CENPN: variants seen among roughly 807,000 people sequenced by gnomAD.
CENPN encodes centromere protein N.
In CENPN, 36 loss-of-function variants were observed where a neutral mutation model predicts 48.6. The observed-to-expected ratio is 0.74, with a 90% CI of 0.57 to 0.98. The LOEUF is 0.98. Among genes scored for constraint, CENPN ranks in the 50% least tolerant of loss-of-function variants. The pLI is 0.00. For missense variants in CENPN, 439 were observed against 399.2 expected (o/e 1.10, Z -0.85); for synonymous variants, 166 against 135.2 (o/e 1.23, Z -1.58).
Position 81,028,728 on chromosome 16 carries a change from G to A in CENPN, c.*77G>A. 6.5e-7 allele frequency: 1 copy of A among 1,529,932 alleles called. No homozygotes were observed. The highest frequency in any genetic ancestry group is 8.7e-7 in the Non-Finnish European group (1 of 1,145,412). 94.8% of individuals were successfully genotyped at this position (1,529,932 alleles called of 1,614,324 possible). On this transcript the variant is annotated 3_prime_UTR_variant, in exon 11 of 11. Transcript: ENST00000305850. ...ACTTCAGTTCATGGCTAGCTGTATA[G>A]CTTCCGTCTGTAAACTTGTATTTTC... is the stretch of plus-strand genomic sequence containing the variant.
chr16:81,026,715 G>T, intron 9 of CENPN, 77 bp downstream of exon 9: 1 of 648,398 alleles, frequency 1.5e-6, no homozygotes, highest in Non-Finnish European at 2.6e-6. Flanking sequence ...GTGGAAAACA[G>T]ATCTAAGAAA....
Position 81,029,999 on chromosome 16 carries a change from GT to G in CENPN, c.*1349del, listed in dbSNP as rs562369049. 1.2e-4 allele frequency among the ~76,000 whole-genome samples: 18 copies of G among 152,306 alleles called. No homozygotes were observed. In the East Asian group the frequency reaches 3.5e-3, roughly 29 times the overall value. On this transcript the variant is annotated 3_prime_UTR_variant, in exon 11 of 11. Coordinates refer to ENST00000305850, the MANE Select transcript of CENPN (RefSeq NM_001100624.3). Reference sequence around the variant, plus strand: ...GAAGGCAAATGAGAAGCAAAGTCATGTCTTACATGGCGGCAGGCAAGAGAGC... The same window carrying G: ...GAAGGCAAATGAGAAGCAAAGTCATGCTTACATGGCGGCAGGCAAGAGAGC...
chr16:81,019,900 G>A (rs1970101572), intron 5 of CENPN, among the ~76,000 whole-genome samples, 200 bp from the exon 6 acceptor site: 1 of 149,710 alleles, frequency 6.7e-6, no homozygotes, highest in South Asian at 2.1e-4. Flanking sequence ...GAACTGAAAA[G>A]GATTTTTTTT....
At chr16:81,013,037 G>T (rs2151678546) in intron 2 of CENPN, among the ~76,000 whole-genome samples, 1 of 152,298 alleles carries the variant, frequency 6.6e-6, no homozygotes, top group African/African-American at 2.4e-5. Flanking sequence ...TTGTAGCATT[G>T]TTTTAAAAAC....
chr16:81,029,273 C>T lies in CENPN; in HGVS notation c.*622C>T. The T allele has an allele frequency of 2.2e-6, 2 of 909,574 alleles. No homozygotes were observed. The highest frequency in any genetic ancestry group is 3.6e-5 in the African/African-American group (2 of 55,682). 56.3% of individuals were successfully genotyped at this position (909,574 alleles called of 1,614,324 possible). A position where few individuals can be genotyped will look rare whatever the true frequency, so the allele number is the denominator to read the frequency against. On this transcript the variant is annotated 3_prime_UTR_variant, in exon 11 of 11. Transcript: ENST00000305850. ...ATCATGTGTATAACATTCAAACTGACAAATATATTGACTTATGAATAAAGG... is the reference window on the plus strand; with the variant it reads ...ATCATGTGTATAACATTCAAACTGATAAATATATTGACTTATGAATAAAGG...
At chr16:81,022,557 C>G (rs760013297) in intron 6 of CENPN, 40 bp from the exon 7 acceptor site, 9 of 1,488,462 alleles carry the variant, frequency 6.0e-6, no homozygotes, top group African/African-American at 1.4e-5. Flanking sequence ...AACACAGAGG[C>G]AGTAATCCTA....
downstream of CENPN, chr16:81,032,446 G>A (rs992717497): frequency 3.3e-6 from 3 of 919,668 alleles, no homozygotes; most frequent in Non-Finnish European, 4.9e-6. Context: ...CACCCCATTG[G>A]GGGTTGGGGA....
chr16:81,017,476 C>T (rs908030791), intron 4 of CENPN, 91 bp downstream of exon 4: 5 of 860,098 alleles, frequency 5.8e-6, no homozygotes, highest in Non-Finnish European at 9.6e-6. Flanking sequence ...CACCACTGCA[C>T]TCCAGCCTGG....
chr16:81,014,598 A>G (rs964522482), intron 3 of CENPN, among the ~76,000 whole-genome samples: 2 of 152,130 alleles, frequency 1.3e-5, no homozygotes, highest in African/African-American at 4.8e-5. Flanking sequence ...TATGTCACTC[A>G]GCCGTATGTT....
intron 3 of CENPN, 115 bp from the exon 4 acceptor site, chr16:81,017,211 C>A: frequency 7.0e-6 from 5 of 710,412 alleles, no homozygotes; most frequent in Non-Finnish European, 1.2e-5. Context: ...ATCTGTATAA[C>A]TCAATTTGTG....
At chr16:81,012,620 G>A (rs891552459) in intron 2 of CENPN, among the ~76,000 whole-genome samples, 1 of 152,150 alleles carries the variant, frequency 6.6e-6, no homozygotes, top group Non-Finnish European at 1.5e-5. Flanking sequence ...TTTTGAGACA[G>A]AGTCTTGCTC....
chr16:81,014,894 CA>C (rs1276188737), intron 3 of CENPN, among the ~76,000 whole-genome samples: 1 of 152,176 alleles, frequency 6.6e-6, no homozygotes, highest in African/African-American at 2.4e-5. Flanking sequence ...TTCTCACTTT[CA>C]GTACAGCATT....
intron 1 of CENPN, among the ~76,000 whole-genome samples, chr16:81,008,840 G>C (rs540456309): frequency 6.6e-6 from 1 of 152,198 alleles, no homozygotes; most frequent in Non-Finnish European, 1.5e-5. Flanking sequence ...TAAAAACATC[G>C]TCCTGCCCTG....
chr16:81,027,594 T>TA (rs1161281710), intron 9 of CENPN, among the ~76,000 whole-genome samples: 3 of 152,230 alleles, frequency 2.0e-5, no homozygotes, highest in Non-Finnish European at 2.9e-5. Context: ...ATGCAAACTG[T>TA]AAAGGGCACC....
intron 2 of CENPN, among the ~76,000 whole-genome samples, chr16:81,013,271 C>T (rs1969813817): frequency 1.3e-5 from 2 of 151,994 alleles, no homozygotes. Flanking sequence ...AAAGCCAGAC[C>T]AAAAAAATGA....
At chr16:81,007,371 A>T (rs1044619683) in intron 1 of CENPN, 94 bp downstream of exon 1, 1 of 152,124 alleles carries the variant, frequency 6.6e-6, no homozygotes, top group Non-Finnish European at 1.5e-5. Context: ...CTTTTTCGCA[A>T]TTGTCGCACG....
chr16:81,008,008 G>T (rs1969532062), intron 1 of CENPN, among the ~76,000 whole-genome samples: 1 of 152,110 alleles, frequency 6.6e-6, no homozygotes, highest in African/African-American at 2.4e-5. Context: ...TTGGGAGGCT[G>T]AGGCAGGAGA....
intron 7 of CENPN, chr16:81,023,991 G>A (rs1007978109): frequency 1.3e-5 from 2 of 152,380 alleles, no homozygotes; most frequent in African/African-American, 4.8e-5. Flanking sequence ...TGAGGCAGGA[G>A]AATGGCATGA....
At chr16:81,008,725 C>T (rs925619670) in intron 1 of CENPN, among the ~76,000 whole-genome samples, 45 of 152,324 alleles carry the variant, frequency 3.0e-4, no homozygotes, top group African/African-American at 1.1e-3. Context: ...TCTCCTCAGG[C>T]ATTCATTCCA....
Sources: allele counts gnomAD v4.1 joint callset (sites outside exome capture counted in the v4.1 genomes callset), GRCh38; gene constraint gnomAD v4.1.1; transcripts MANE v1.5; gene names NCBI Gene and HGNC (gene_info 2026-07-23, HGNC 2026-07-21).